FOXP1: variants seen among roughly 807,000 people sequenced by gnomAD.
FOXP1 encodes the protein forkhead box protein P1.
In FOXP1, 15 loss-of-function variants were observed where a neutral mutation model predicts 98.2. That is an observed-to-expected ratio of 0.15 (90% CI 0.10 to 0.24). FOXP1 has a LOEUF of 0.24. Ranked by LOEUF, FOXP1 falls within the 10% of genes least tolerant of loss-of-function variation. The probability of loss-of-function intolerance (pLI) is 1.00; values close to 1 mark genes in which losing one functional copy is unlikely to be tolerated. For missense variants in FOXP1, 633 were observed against 848.5 expected (o/e 0.75, Z 3.15); for synonymous variants, 371 against 314.5 (o/e 1.18, Z -1.90).
chr3:71,316,965 T>G (rs7619472), intron 4 of FOXP1, among the ~76,000 whole-genome samples: 25,207 of 152,080 alleles, frequency 0.17, 2,201 homozygotes, highest in Non-Finnish European at 0.19. Context: ...CAGGGCAAAT[T>G]CTTAAGGCTA....
At chr3:70,989,118 T>G (rs1417121013) in intron 13 of FOXP1, among the ~76,000 whole-genome samples, 1 of 152,094 alleles carries the variant, frequency 6.6e-6, no homozygotes, top group Non-Finnish European at 1.5e-5. Flanking sequence ...GTCAAATTAT[T>G]CCCAAATAAA....
chr3:71,353,686 C>T (rs1455764759), intron 4 of FOXP1, among the ~76,000 whole-genome samples: 2 of 152,094 alleles, frequency 1.3e-5, no homozygotes, highest in African/African-American at 4.8e-5. Flanking sequence ...CTCCATAAGT[C>T]GTGTAAATAA....
At chr3:71,279,159 T>G (rs1284691728) in intron 5 of FOXP1, among the ~76,000 whole-genome samples, 1 of 97,448 alleles carries the variant, frequency 1.0e-5, no homozygotes. Context: ...GTGACAAGAG[T>G]GAAACTCCAT....
At chr3:71,274,562 T>C (rs6798287) in intron 5 of FOXP1, among the ~76,000 whole-genome samples, 32,580 of 152,154 alleles carry the variant, frequency 0.21, 4,230 homozygotes, top group African/African-American at 0.37. Context: ...TCAGTTATAT[T>C]ATCAAATAAA....
At chr3:71,216,477 A>C (rs1458936102) in intron 5 of FOXP1, among the ~76,000 whole-genome samples, 2 of 152,176 alleles carry the variant, frequency 1.3e-5, no homozygotes, top group African/African-American at 2.4e-5. Flanking sequence ...AAGCTGGGGC[A>C]GCTGCAACGT....
At chr3:71,130,595 G>T in intron 6 of FOXP1, 1 of 1,598,414 alleles carries the variant, frequency 6.3e-7, no homozygotes, top group South Asian at 1.1e-5. Flanking sequence ...CTGCGAAGCG[G>T]GGGTTGCCGA....
intron 3 of FOXP1, among the ~76,000 whole-genome samples, chr3:71,407,564 C>T (rs13064462): frequency 0.015 from 2,284 of 152,194 alleles, 17 homozygotes; most frequent in Non-Finnish European, 0.026. Context: ...AAATGACATC[C>T]TATCTTTAAA....
chr3:71,317,533 T>C (rs1003510499), intron 4 of FOXP1, among the ~76,000 whole-genome samples: 1 of 152,242 alleles, frequency 6.6e-6, no homozygotes, highest in African/African-American at 2.4e-5. Context: ...CAAAAAATAT[T>C]TTCCTTTTGG....
chr3:71,126,785 C>T (rs895013490), intron 6 of FOXP1, among the ~76,000 whole-genome samples: 4 of 148,910 alleles, frequency 2.7e-5, no homozygotes. Context: ...GATAGCACCA[C>T]TGTACCCCAG....
intron 6 of FOXP1, among the ~76,000 whole-genome samples, chr3:71,143,864 G>T (rs1454369523): frequency 6.6e-6 from 1 of 152,182 alleles, no homozygotes; most frequent in African/African-American, 2.4e-5. Context: ...CAGAAAATCT[G>T]TTGTCCCTCC....
chr3:71,184,469 A>C (rs1218707890), intron 6 of FOXP1, among the ~76,000 whole-genome samples: 1 of 152,188 alleles, frequency 6.6e-6, no homozygotes, highest in Non-Finnish European at 1.5e-5. Flanking sequence ...TGGTGTTTAC[A>C]TTTCAATAGA....
At chr3:71,532,464 C>T (rs1466204322) in intron 2 of FOXP1, among the ~76,000 whole-genome samples, 1 of 152,264 alleles carries the variant, frequency 6.6e-6, no homozygotes, top group East Asian at 1.9e-4. Flanking sequence ...AAATACACTC[C>T]CTGGATGGCT....
At chr3:71,387,143 C>T (rs757028876) in intron 3 of FOXP1, among the ~76,000 whole-genome samples, 1 of 152,122 alleles carries the variant, frequency 6.6e-6, no homozygotes, top group Admixed American at 6.5e-5. Flanking sequence ...TGCTTCATGA[C>T]GGTAACAAAA....
At chr3:71,270,394 A>G (rs2070224440) in intron 5 of FOXP1, among the ~76,000 whole-genome samples, 1 of 152,206 alleles carries the variant, frequency 6.6e-6, no homozygotes, top group Non-Finnish European at 1.5e-5. Context: ...GACTGGCTCT[A>G]AAAACATTTT....
intron 2 of FOXP1, among the ~76,000 whole-genome samples, chr3:71,537,477 C>A (rs532863330): frequency 6.6e-6 from 1 of 152,184 alleles, no homozygotes; most frequent in Non-Finnish European, 1.5e-5. Context: ...TGGCACCAGG[C>A]AGGCGCAGAG....
intron 4 of FOXP1, among the ~76,000 whole-genome samples, chr3:71,308,472 A>T (rs2074434638): frequency 6.6e-6 from 1 of 152,234 alleles, no homozygotes; most frequent in South Asian, 2.1e-4. Flanking sequence ...AGAACTGATC[A>T]GATACGATGC....
At chr3:71,172,832 G>A (rs915099523) in intron 6 of FOXP1, among the ~76,000 whole-genome samples, 2 of 152,138 alleles carry the variant, frequency 1.3e-5, no homozygotes, top group African/African-American at 2.4e-5. Context: ...ACTGATTTGT[G>A]AGGTACCACC....
At chr3:70,972,331 C>T in intron 18 of FOXP1, 1 of 873,450 alleles carries the variant, frequency 1.1e-6, no homozygotes, top group Non-Finnish European at 1.8e-6. Context: ...TATGCATTGC[C>T]ACCTAAAAGC....
intron 16 of FOXP1, 31 bp downstream of exon 16, chr3:70,977,612 C>G (rs1014710916): frequency 6.5e-7 from 1 of 1,548,688 alleles, no homozygotes; most frequent in Non-Finnish European, 8.9e-7. Context: ...TACCTTCTGA[C>G]AGAATTTCAT....
Sources: allele counts gnomAD v4.1 joint callset (sites outside exome capture counted in the v4.1 genomes callset), GRCh38; gene constraint gnomAD v4.1.1; transcripts MANE v1.5; gene names NCBI Gene and HGNC (gene_info 2026-07-23, HGNC 2026-07-21).